PGM1: variants seen among roughly 807,000 people sequenced by gnomAD.
PGM1 encodes the protein phosphoglucomutase-1.
A neutral mutation model predicts 55.6 loss-of-function variants in PGM1; 52 were observed. That is an observed-to-expected ratio of 0.94 (90% CI 0.75 to 1.18). PGM1 has a LOEUF of 1.18. PGM1 is among the 50% of genes most tolerant of loss of function. The pLI is 0.00. For missense variants in PGM1, 724 were observed against 729.3 expected (o/e 0.99, Z 0.08); for synonymous variants, 287 against 271.7 (o/e 1.06, Z -0.55).
In PGM1 at chr1:63,623,237, T is replaced by A. The variant is rs1376318409; in HGVS notation, c.247-6188T>A. 4 of 1,385,574 alleles carry A rather than the reference T, an allele frequency of 2.9e-6. No individual in the cohort carries two copies. In the African/African-American group the frequency reaches 5.8e-5, roughly 20 times the overall value. 85.8% of individuals were successfully genotyped at this position (1,385,574 alleles called of 1,614,324 possible). On this transcript the variant is annotated intron_variant, in intron 1 of 10. Transcript: ENST00000371084. ...CATCAAAACAACTTTGAAGACCTGC[T>A]TTGTGTGTGGGTGCGAGTGGGTGTG...
intron 6 of PGM1, among the ~76,000 whole-genome samples, chr1:63,638,242 A>T (rs1649413419): frequency 6.6e-6 from 1 of 152,322 alleles, no homozygotes; most frequent in African/African-American, 2.4e-5. Context: ...GTCTGATCAC[A>T]TAACATTCTG....
Position 63,596,144 on chromosome 1 carries a change from C to T in PGM1, c.246+2410C>T, listed in dbSNP as rs574532116. On this transcript the variant is annotated intron_variant, in intron 1 of 10. Transcript: ENST00000371084. ...TCTTGTAAAGTTCTTCCTCCCTTGG[C>T]CTTGCTTACTCTCCTGATTCTACTC... Among the ~76,000 whole-genome samples the T allele has an allele frequency of 2.0e-4, 30 of 152,150 alleles. No individual in the cohort carries two copies. The East Asian group carries it at 5.6e-3, about 28-fold the overall frequency.
chr1:63,616,723 T>G (rs552925474), intron 1 of PGM1, among the ~76,000 whole-genome samples: 1 of 152,346 alleles, frequency 6.6e-6, no homozygotes, highest in South Asian at 2.1e-4. Flanking sequence ...TGTTTGTTTT[T>G]ATTTTCAAAA....
intron 9 of PGM1, among the ~76,000 whole-genome samples, chr1:63,652,222 C>G (rs1557444178): frequency 6.6e-6 from 1 of 152,200 alleles, no homozygotes; most frequent in Admixed American, 6.5e-5. Context: ...CAACTCCTCT[C>G]TTTTCTGTCA....
chr1:63,595,398 A>G (rs1648032543), intron 1 of PGM1, among the ~76,000 whole-genome samples: 1 of 152,248 alleles, frequency 6.6e-6, no homozygotes, highest in Non-Finnish European at 1.5e-5. Context: ...CTGAGAATGA[A>G]GAATGAACAG....
chr1:63,648,410 C>A, intron 7 of PGM1, 107 bp from the exon 8 acceptor site: 1 of 1,258,154 alleles, frequency 7.9e-7, no homozygotes, highest in East Asian at 2.4e-5. Flanking sequence ...ACGTCCCTCC[C>A]TCAACATGAG....
chr1:63,612,270 G>C (rs568630738), intron 1 of PGM1, among the ~76,000 whole-genome samples: 2 of 150,980 alleles, frequency 1.3e-5, no homozygotes, highest in African/African-American at 4.9e-5. Flanking sequence ...AAAAAAAAAG[G>C]CTCTATCAGT....
intron 1 of PGM1, among the ~76,000 whole-genome samples, chr1:63,609,656 A>G (rs989972659): frequency 6.6e-6 from 1 of 152,230 alleles, no homozygotes; most frequent in Admixed American, 6.5e-5. Flanking sequence ...TCAGGCTAGC[A>G]AAATGCAGGA....
intron 1 of PGM1, among the ~76,000 whole-genome samples, chr1:63,622,469 A>G (rs1417440321): frequency 6.6e-6 from 1 of 152,260 alleles, no homozygotes; most frequent in Non-Finnish European, 1.5e-5. Context: ...TTCCCTAAAA[A>G]CATTTTATTA....
At chr1:63,623,347 T>C in intron 1 of PGM1, 1 of 1,514,042 alleles carries the variant, frequency 6.6e-7, no homozygotes. Flanking sequence ...ATGCAAACCC[T>C]CTATTTTAGT....
Position 63,629,432 on chromosome 1 carries a change from G to C in PGM1, c.254G>C (p.Arg85Pro), listed in dbSNP as rs200225686. ...CTGGATTTCTTCTCCTAGATCGGTC[G>C]CTTGGTTATCGGACAGAATGGAATC... ...ARIAAANGIG[R>P]LVIGQNGILS... Residue 85 changes from arginine to proline, a missense_variant, in exon 2 of 11, where the codon CGC becomes CCC. Coordinates refer to ENST00000371084, the MANE Select transcript of PGM1 (RefSeq NM_002633.3). 1 of 1,613,246 alleles carries C rather than the reference G, an allele frequency of 6.2e-7. No homozygotes were observed. The highest frequency in any genetic ancestry group is 2.2e-5 in the East Asian group (1 of 44,868).
At chr1:63,647,070 C>G (rs1649663918) in intron 7 of PGM1, among the ~76,000 whole-genome samples, 1 of 151,664 alleles carries the variant, frequency 6.6e-6, no homozygotes, top group Non-Finnish European at 1.5e-5. Context: ...TGGCGAAACC[C>G]TGTCTCTACT....
chr1:63,655,505 G>T (rs1485148932), intron 10 of PGM1, among the ~76,000 whole-genome samples: 3 of 152,182 alleles, frequency 2.0e-5, no homozygotes, highest in Non-Finnish European at 4.4e-5. Context: ...GTCTTCAGAA[G>T]TATATCAGAG....
At position 63,618,320 on chromosome 1, in the gene PGM1, A is replaced by G. The variant is rs960603830; in HGVS notation, c.247-11105A>G. Among the ~76,000 whole-genome samples the G allele has an allele frequency of 2.6e-5, 4 of 152,194 alleles. No homozygotes were observed. The East Asian group carries it at 7.7e-4, about 29-fold the overall frequency. On this transcript the variant is annotated intron_variant, in intron 1 of 10. Coordinates refer to ENST00000371084, the MANE Select transcript of PGM1 (RefSeq NM_002633.3). ...AAACTTATAAATATAATACAGTCCA[A>G]GTTTTCTGGAATGTTCCACTAATGT...
chr1:63,610,080 G>C (rs918247878), intron 1 of PGM1, among the ~76,000 whole-genome samples: 4 of 152,192 alleles, frequency 2.6e-5, no homozygotes, highest in Admixed American at 2.6e-4. Context: ...ACAATATCAT[G>C]TATACTGCTT....
chr1:63,615,298 G>A (rs1648678543), intron 1 of PGM1, among the ~76,000 whole-genome samples: 1 of 152,142 alleles, frequency 6.6e-6, no homozygotes, highest in African/African-American at 2.4e-5. Flanking sequence ...CAGGCATTGT[G>A]AGAAGCATTT....
At position 63,659,854 on chromosome 1, in the gene PGM1, G is replaced by A; in HGVS notation, c.*179G>A. On this transcript the variant is annotated 3_prime_UTR_variant, in exon 11 of 11. Transcript: ENST00000371084. ...GCCAAACAAGATGCCCTTGGGAGCTGTGAGGGAAAGAGGACCTGCGGGCTT... is the reference window on the plus strand; with the variant it reads ...GCCAAACAAGATGCCCTTGGGAGCTATGAGGGAAAGAGGACCTGCGGGCTT... 1 of 663,292 alleles carries A rather than the reference G, an allele frequency of 1.5e-6. No homozygotes were observed. Among genetic ancestry groups the A allele is most frequent in the East Asian group, 2.7e-5 (1 of 36,622 alleles). The allele number at this position is 663,292 out of a possible 1,614,324, so 41.1% of individuals were successfully genotyped here.
intron 8 of PGM1, 46 bp downstream of exon 8, chr1:63,648,698 G>A: frequency 3.1e-6 from 5 of 1,607,148 alleles, no homozygotes; most frequent in Non-Finnish European, 4.3e-6. Context: ...GGGGAAGTGG[G>A]CAGAGAGAAT....
At chr1:63,636,470 G>A (rs1649367237) in intron 6 of PGM1, 82 bp downstream of exon 6, 2 of 1,365,242 alleles carry the variant, frequency 1.5e-6, no homozygotes, top group Admixed American at 3.3e-5. Context: ...TGGAACACGT[G>A]TCCTTCCCTT....
Sources: allele counts gnomAD v4.1 joint callset (sites outside exome capture counted in the v4.1 genomes callset), GRCh38; gene constraint gnomAD v4.1.1; transcripts MANE v1.5; gene names NCBI Gene and HGNC (gene_info 2026-07-23, HGNC 2026-07-21).